Variants in RNF19B observed in about 807,000 individuals in gnomAD.
RNF19B encodes ring finger protein 19B, also known as E3 ubiquitin-protein ligase RNF19B.
Under a neutral mutation model 65.5 loss-of-function variants are expected in RNF19B, and 23 were observed. That is an observed-to-expected ratio of 0.35 (90% CI 0.25 to 0.50). The LOEUF (loss-of-function observed/expected upper bound fraction) is 0.50. Among genes scored for constraint, RNF19B ranks in the 20% least tolerant of loss-of-function variants. The pLI, the probability that RNF19B is intolerant of heterozygous loss-of-function variation, is 0.98. For synonymous variants in RNF19B, 372 were observed against 379.6 expected, an observed-to-expected ratio of 0.98 and a Z score of 0.23; for missense variants, 794 against 980.0, an observed-to-expected ratio of 0.81 and a Z score of 2.53.
At chr1:32,959,494 A>G (rs190810561) in intron 1 of RNF19B, among the ~76,000 whole-genome samples, 1 of 152,332 alleles carries the variant, frequency 6.6e-6, no homozygotes, top group East Asian at 1.9e-4. Context: ...TAAAAGATCA[A>G]TTGTACCAAT....
chr1:32,946,170 C>T (rs561974075), intron 4 of RNF19B, among the ~76,000 whole-genome samples: 1 of 152,284 alleles, frequency 6.6e-6, no homozygotes, highest in Non-Finnish European at 1.5e-5. Flanking sequence ...TCATGCCTGG[C>T]CCAGCATTCT....
Position 32,964,103 on chromosome 1 carries a change from G to C in RNF19B, c.583C>G (p.Arg195Gly). ...CAGTCGGGGTCCGAGGCTAGGTAGC[G>C]GCGCAGCATGAACTCCTCGTACTTG... The part of the protein sequence containing the change: ...MHKYEEFMLR[R>G]YLASDPDCRW... Residue 195 changes from arginine (R) to glycine (G), a missense_variant, in exon 1 of 9, where the codon CGC becomes GGC. Transcript: ENST00000235150. This position sits in a 1 kb window ranked among gnomAD's most constrained non-coding sequence, Gnocchi z 6.5. The C allele has an allele frequency of 3.3e-6, 5 of 1,531,738 alleles. No homozygotes were observed. The highest frequency in any genetic ancestry group is 3.5e-6 in the Non-Finnish European group (4 of 1,139,418). The allele number at this position is 1,531,738 out of a possible 1,614,324, so 94.9% of individuals were successfully genotyped here.
chr1:32,964,544 C>T lies in RNF19B; in HGVS notation c.142G>A (p.Ala48Thr), dbSNP rs1162569544. The change falls in exon 1 of 9, where the codon GCC (alanine) becomes ACC (threonine). Residue 48 changes from alanine (A) to threonine (T), a missense_variant. Ala to Thr is a moderately conservative substitution (Grantham distance 58). This residue lies in a region of RNF19B where 374 missense variants were observed against 423.8 expected (regional missense o/e 0.88). Transcript: ENST00000235150. This position sits in a 1 kb window ranked among gnomAD's most constrained non-coding sequence, Gnocchi z 6.5. Reference protein sequence around the residue: ...VFSASARGRRARAKPQAEPPP... With the variant: ...VFSASARGRRTRAKPQAEPPP... ...GGCTCGGCCTGCGGCTTGGCCCGGG[C>T]GCGGCGGCCGCGGGCCGAGGCAGAG... 5.8e-6 allele frequency: 7 copies of T among 1,202,488 alleles called. No homozygotes were observed. The highest frequency in any genetic ancestry group is 7.3e-6 in the Non-Finnish European group (7 of 961,130). The allele number at this position is 1,202,488 out of a possible 1,614,324, so 74.5% of individuals were successfully genotyped here.
chr1:32,960,490 G>T (rs192176142), intron 1 of RNF19B, among the ~76,000 whole-genome samples: 76 of 152,268 alleles, frequency 5.0e-4, no homozygotes, highest in Admixed American at 9.2e-4. Flanking sequence ...AAACAAAGGA[G>T]CAGTGTGCAG....
At chr1:32,954,157 C>T (rs1642578512) in intron 1 of RNF19B, among the ~76,000 whole-genome samples, 1 of 151,458 alleles carries the variant, frequency 6.6e-6, no homozygotes, top group Non-Finnish European at 1.5e-5. Context: ...AGTGATCCTC[C>T]TGCCTCAGCC....
chr1:32,934,833 G>A (rs1415509279), downstream of RNF19B, among the ~76,000 whole-genome samples: 1 of 151,956 alleles, frequency 6.6e-6, no homozygotes, highest in Non-Finnish European at 1.5e-5. Flanking sequence ...CACTTCTAAG[G>A]ACATTATTTT....
At chr1:32,930,961 G>A in the RNF19B span, among the ~76,000 whole-genome samples, 2 of 152,092 alleles carry the variant, frequency 1.3e-5, no homozygotes, top group East Asian at 3.9e-4. Context: ...GCTGGCATGA[G>A]CCTGTAATTC....
At chr1:32,930,012 C>A in the RNF19B span, among the ~76,000 whole-genome samples, 1 of 152,152 alleles carries the variant, frequency 6.6e-6, no homozygotes, top group Non-Finnish European at 1.5e-5. Context: ...CAATTCCTTG[C>A]TGAAAGAAAT....
intron 2 of RNF19B, 75 bp downstream of exon 2, chr1:32,949,494 G>C: frequency 7.7e-7 from 1 of 1,294,662 alleles, no homozygotes; most frequent in Non-Finnish European, 1.1e-6. Flanking sequence ...TATACAATAA[G>C]ATAATTTCTT....
intron 1 of RNF19B, among the ~76,000 whole-genome samples, chr1:32,951,431 C>T (rs1295169404): frequency 6.6e-6 from 1 of 152,204 alleles, no homozygotes; most frequent in East Asian, 1.9e-4. Flanking sequence ...TTGCAGGAGC[C>T]GGCGCACATG....
At chr1:32,947,673 A>G (rs927895853) in intron 3 of RNF19B, among the ~76,000 whole-genome samples, 4 of 152,052 alleles carry the variant, frequency 2.6e-5, no homozygotes, top group African/African-American at 9.7e-5. Context: ...AAAAAAAAAA[A>G]AAGAATTCAC....
At chr1:32,948,614 C>A (rs1642421820) in intron 2 of RNF19B, among the ~76,000 whole-genome samples, 1 of 152,140 alleles carries the variant, frequency 6.6e-6, no homozygotes, top group Admixed American at 6.5e-5. Context: ...GCACTTGAAC[C>A]ACATTCTAGC....
At chr1:32,946,739 G>C (rs888765343) in intron 3 of RNF19B, among the ~76,000 whole-genome samples, 175 bp from the exon 4 acceptor site, 10 of 152,202 alleles carry the variant, frequency 6.6e-5, no homozygotes, top group African/African-American at 2.2e-4. Context: ...TTAGAGCTCT[G>C]GGCTCTTTAA....
chr1:32,949,796 G>T, intron 1 of RNF19B, 22 bp from the exon 2 acceptor site: 3 of 1,579,834 alleles, frequency 1.9e-6, no homozygotes, highest in Non-Finnish European at 1.7e-6. Flanking sequence ...AACAGTAAGA[G>T]ATACCAGTAA....
chr1:32,933,304 G>C (rs1642051499), downstream of RNF19B, among the ~76,000 whole-genome samples: 1 of 151,898 alleles, frequency 6.6e-6, no homozygotes, highest in African/African-American at 2.4e-5. Flanking sequence ...GCCCAGGCTG[G>C]AGTGCAGTGG....
intron 6 of RNF19B, among the ~76,000 whole-genome samples, chr1:32,943,526 G>C (rs1002318126): frequency 2.0e-5 from 3 of 151,932 alleles, no homozygotes; most frequent in African/African-American, 4.8e-5. Context: ...TGAGGCAGGA[G>C]AATCACTTGA....
chr1:32,953,394 G>A (rs927776948), intron 1 of RNF19B, among the ~76,000 whole-genome samples: 1 of 152,032 alleles, frequency 6.6e-6, no homozygotes, highest in Non-Finnish European at 1.5e-5. Context: ...TGTACAAAAA[G>A]CTAATAACAT....
intron 1 of RNF19B, among the ~76,000 whole-genome samples, chr1:32,963,089 C>A (rs757665494): frequency 2.0e-5 from 3 of 152,186 alleles, no homozygotes; most frequent in Non-Finnish European, 2.9e-5. Context: ...ATCACACCAA[C>A]CTCTGGGCAT....
chr1:32,942,984 C>T (rs1642274255), intron 6 of RNF19B, among the ~76,000 whole-genome samples: 1 of 150,728 alleles, frequency 6.6e-6, no homozygotes, highest in Admixed American at 6.6e-5. Flanking sequence ...ACTAAAAATA[C>T]AAAAAATTTA....
Sources: allele counts gnomAD v4.1 joint callset (sites outside exome capture counted in the v4.1 genomes callset), GRCh38; gene constraint gnomAD v4.1.1; regional missense constraint gnomAD v4.1.1; non-coding constraint Gnocchi (gnomAD v3.1); transcripts MANE v1.5; gene names NCBI Gene and HGNC (gene_info 2026-07-23, HGNC 2026-07-21).